Variants in SVIL observed in about 807,000 individuals in gnomAD.
SVIL encodes the protein supervillin.
A neutral mutation model predicts 240.4 loss-of-function variants in SVIL; 101 were observed. The ratio of observed to expected loss-of-function variants is 0.42; its 90% CI spans 0.36 to 0.50. The LOEUF (loss-of-function observed/expected upper bound fraction) is 0.50. Among genes scored for constraint, SVIL ranks in the 20% least tolerant of loss-of-function variants. The probability of loss-of-function intolerance (pLI) is 0.01; values close to 1 mark genes in which losing one functional copy is unlikely to be tolerated. For missense variants in SVIL, 2,512 were observed against 2,818.7 expected, an observed-to-expected ratio of 0.89 and a Z score of 2.46; for synonymous variants, 999 against 1,100.0, an observed-to-expected ratio of 0.91 and a Z score of 1.82.
chr10:29,613,162 GAC>G (rs1257767555), intron 1 of SVIL, among the ~76,000 whole-genome samples: 3 of 139,320 alleles, frequency 2.2e-5, no homozygotes, highest in Non-Finnish European at 4.6e-5. Flanking sequence ...GTGACAGAGA[GAC>G]TCCATCTCAA....
Position 29,533,076 on chromosome 10 carries a change from C to A in SVIL, c.1291G>T (p.Glu431Ter). The change falls in exon 8 of 38, where the codon GAA becomes TAA. Residue 431 changes from glutamate to a stop codon, truncating the protein, a stop_gained. Transcript: ENST00000355867. LOFTEE classifies it high-confidence loss of function. ...HVCESKAEEE[E>*]GEGEGEEKEE... Reference sequence around the variant, plus strand: ...TTTTCTTCTCCTTCTCCTTCCCCTTCTTCTTCTTCTGCTTTTGACTCGCAG... The same window carrying A: ...TTTTCTTCTCCTTCTCCTTCCCCTTATTCTTCTTCTGCTTTTGACTCGCAG... The A allele has an allele frequency of 6.2e-7, 1 of 1,613,910 alleles. No homozygotes were observed. Among genetic ancestry groups the A allele is most frequent in the South Asian group, 1.1e-5 (1 of 91,076 alleles).
chr10:29,714,556 A>G (rs1742559903), intron 1 of SVIL, among the ~76,000 whole-genome samples: 1 of 152,266 alleles, frequency 6.6e-6, no homozygotes, highest in Admixed American at 6.5e-5. Flanking sequence ...TTTATGAATC[A>G]TCAGTGATGA....
At chr10:29,620,784 A>AT (rs1219807376) in intron 1 of SVIL, among the ~76,000 whole-genome samples, 1 of 151,842 alleles carries the variant, frequency 6.6e-6, no homozygotes, top group African/African-American at 2.4e-5. Flanking sequence ...ACACCAAGCT[A>AT]TTTTTTGTAT....
intron 6 of SVIL, among the ~76,000 whole-genome samples, chr10:29,545,658 C>A (rs996458431): frequency 2.0e-5 from 3 of 151,836 alleles, no homozygotes; most frequent in Non-Finnish European, 4.4e-5. Flanking sequence ...GGATCAAGAC[C>A]ATCCTGGCCA....
intron 3 of SVIL, chr10:29,657,956 C>T (rs1024129322): frequency 6.6e-6 from 1 of 152,200 alleles, no homozygotes; most frequent in Admixed American, 6.5e-5. Context: ...ATATTTCTTT[C>T]CTCAATACTT....
chr10:29,506,454 C>G (rs1259647148), intron 17 of SVIL, among the ~76,000 whole-genome samples: 2 of 152,022 alleles, frequency 1.3e-5, no homozygotes, highest in East Asian at 3.9e-4. Context: ...GAGATGACTA[C>G]GGGAGGACCC....
intron 1 of SVIL, among the ~76,000 whole-genome samples, chr10:29,593,387 T>G (rs895055662): frequency 6.6e-6 from 1 of 152,060 alleles, no homozygotes; most frequent in Non-Finnish European, 1.5e-5. Flanking sequence ...CCCCAAATAT[T>G]TCAACTGTGG....
chr10:29,725,178 C>A (rs1026659824), intron 1 of SVIL, among the ~76,000 whole-genome samples: 1 of 151,922 alleles, frequency 6.6e-6, no homozygotes, highest in African/African-American at 2.4e-5. Context: ...ACAGGACAGG[C>A]ACAGCCCTAA....
At chr10:29,650,829 A>G (rs937384792) in intron 3 of SVIL, among the ~76,000 whole-genome samples, 10 of 152,276 alleles carry the variant, frequency 6.6e-5, no homozygotes, top group Admixed American at 6.5e-4. Flanking sequence ...CACGCCTGTA[A>G]TCCCAGCCAC....
intron 1 of SVIL, among the ~76,000 whole-genome samples, chr10:29,570,086 G>A (rs1304608926): frequency 6.6e-6 from 1 of 152,180 alleles, no homozygotes; most frequent in African/African-American, 2.4e-5. Flanking sequence ...AATATTTAGG[G>A]GCAGAAGCCC....
intron 12 of SVIL, among the ~76,000 whole-genome samples, chr10:29,527,646 T>TG (rs1951024516): frequency 6.6e-6 from 1 of 151,714 alleles, no homozygotes; most frequent in Non-Finnish European, 1.5e-5. Context: ...AGGATGGTCT[T>TG]GATCTCTTGA....
In SVIL at chr10:29,532,510, C is replaced by A; in HGVS notation, c.1838+19G>T. ...ACGTGCAAGTGACACAGCTGGAGGG[C>A]GTGTGAAGCATCACCTACAGTTCAG... On this transcript the variant is annotated intron_variant, in intron 8 of 37. Coordinates refer to ENST00000355867, the MANE Select transcript of SVIL (RefSeq NM_021738.3). 6.3e-7 allele frequency: 1 copy of A among 1,590,254 alleles called. No homozygotes were observed.
In SVIL at chr10:29,735,145, G is replaced by A. The variant is rs965668081; in HGVS notation, c.-400+606C>T. Among the ~76,000 whole-genome samples, 1 of 152,110 alleles carries A rather than the reference G, an allele frequency of 6.6e-6. No homozygotes were observed. Among genetic ancestry groups the A allele is most frequent in the Non-Finnish European group, 1.5e-5 (1 of 68,006 alleles). ...ACCCGGGGACTAAACCACTCCCTTC[G>A]GGGAGCCCGCACGCGCGCAGAAACG... On this transcript the variant is annotated intron_variant, in intron 1 of 35. Transcript: ENST00000375400. This position sits in a 1 kb window ranked among gnomAD's most constrained non-coding sequence, Gnocchi z 4.1.
At chr10:29,496,962 G>C (rs1405090432) in intron 18 of SVIL, among the ~76,000 whole-genome samples, 1 of 152,176 alleles carries the variant, frequency 6.6e-6, no homozygotes, top group Non-Finnish European at 1.5e-5. Context: ...ACCTAACGAC[G>C]TGCTTCTGTT....
intron 22 of SVIL, among the ~76,000 whole-genome samples, chr10:29,490,584 TTAA>T (rs753910307): frequency 0.13 from 18,393 of 137,564 alleles, 1,340 homozygotes; most frequent in East Asian, 0.24. Flanking sequence ...CCCCCAGTCT[TTAA>T]AAAAAAAAAA....
chr10:29,518,017 GAA>G (rs985880958), intron 16 of SVIL, among the ~76,000 whole-genome samples: 1 of 152,188 alleles, frequency 6.6e-6, no homozygotes, highest in African/African-American at 2.4e-5. Context: ...AATCCGGTGG[GAA>G]AAGTCGATTG....
At chr10:29,538,579 G>A (rs556601240) in intron 6 of SVIL, among the ~76,000 whole-genome samples, 193 of 152,322 alleles carry the variant, frequency 1.3e-3, no homozygotes, top group African/African-American at 4.3e-3. Flanking sequence ...TGCGATGCTC[G>A]CAGAGGCAGT....
intron 1 of SVIL, among the ~76,000 whole-genome samples, chr10:29,712,274 T>C (rs1267858052): frequency 6.6e-6 from 1 of 152,186 alleles, no homozygotes; most frequent in South Asian, 2.1e-4. Flanking sequence ...TGGCAGGTGT[T>C]TAGGTCATGG....
Position 29,490,987 on chromosome 10 carries a change from G to C in SVIL, c.4052C>G (p.Ala1351Gly). 1 of 1,613,946 alleles carries C rather than the reference G, an allele frequency of 6.2e-7. No homozygotes were observed. The highest frequency in any genetic ancestry group is 8.5e-7 in the Non-Finnish European group (1 of 1,179,848). The change falls in exon 22 of 38, where the codon GCA becomes GGA. Residue 1351 changes from alanine (A) to glycine (G), a missense_variant. This residue lies in a region of SVIL where 272 missense variants were observed against 406.8 expected (regional missense o/e 0.67). Coordinates refer to ENST00000355867, the MANE Select transcript of SVIL (RefSeq NM_021738.3). ...LTSSVAEHKR[A>G]VRPKRRVQAS... is the part of the protein sequence containing the mutation. Reference sequence around the variant, plus strand: ...CTGAACCCGGCGCTTGGGCCTAACTGCCCGCTTGTGCTCGGCCACGGAAGA... The same window carrying C: ...CTGAACCCGGCGCTTGGGCCTAACTCCCCGCTTGTGCTCGGCCACGGAAGA...
Sources: gnomAD v4.1 joint callset for allele counts (sites outside exome capture counted in the v4.1 genomes callset) on GRCh38, gnomAD v4.1.1 for gene constraint, gnomAD v4.1.1 regional missense constraint, Gnocchi (gnomAD v3.1) non-coding constraint, MANE v1.5 for transcripts, NCBI Gene and HGNC (gene_info 2026-07-23, HGNC 2026-07-21) for gene names.